Variants in NARF observed in about 807,000 individuals in gnomAD.
NARF encodes iron-only hydrogenase-like protein 2.
A neutral mutation model predicts 48.0 loss-of-function variants in NARF; 41 were observed. That is an observed-to-expected ratio of 0.85 (90% CI 0.66 to 1.11). NARF has a LOEUF of 1.11. Ranked by LOEUF, NARF falls within the 50% of genes least tolerant of loss-of-function variation. The probability of loss-of-function intolerance (pLI) is 0.00; values close to 1 mark genes in which losing one functional copy is unlikely to be tolerated. For missense variants in NARF, 613 were observed against 590.2 expected (o/e 1.04, Z -0.40); for synonymous variants, 215 against 225.5 (o/e 0.95, Z 0.42).
rs968874633 is a variant in NARF at position 82,490,452 on chromosome 17, G to A, written c.*2295G>A. 1 of 152,288 alleles carries A rather than the reference G, an allele frequency of 6.6e-6. No individual in the cohort carries two copies. The highest frequency in any genetic ancestry group is 1.5e-5 in the Non-Finnish European group (1 of 68,070). 9.4% of individuals were successfully genotyped at this position (152,288 alleles called of 1,614,324 possible). A position where few individuals can be genotyped will look rare whatever the true frequency, so the allele number is the denominator to read the frequency against. On this transcript the variant is annotated 3_prime_UTR_variant, in exon 11 of 11. Coordinates refer to ENST00000309794, the MANE Select transcript of NARF (RefSeq NM_012336.4). ...GTCTTGCTGGATAACTGCATATATTGTGTTCAGTTGTGTATTTGTTTTGCT... is the reference window on the plus strand; with the variant it reads ...GTCTTGCTGGATAACTGCATATATTATGTTCAGTTGTGTATTTGTTTTGCT...
intron 5 of NARF, among the ~76,000 whole-genome samples, chr17:82,476,361 C>CA (rs1433455231): frequency 6.6e-6 from 1 of 152,096 alleles, no homozygotes; most frequent in African/African-American, 2.4e-5. Context: ...AGGCCAGTCT[C>CA]AAACTCCTGA....
At chr17:82,480,930 CAA>C (rs35163925) in intron 6 of NARF, 150 bp from the exon 7 acceptor site, 23,532 of 609,920 alleles carry the variant, frequency 0.039, no homozygotes, top group Middle Eastern at 0.05. Flanking sequence ...GACTCCATTT[CAA>C]AAAAAAAAAA....
chr17:82,468,084 G>C (rs568608828), intron 3 of NARF, among the ~76,000 whole-genome samples: 2 of 152,226 alleles, frequency 1.3e-5, no homozygotes, highest in East Asian at 3.9e-4. Flanking sequence ...GGCCGAGGCA[G>C]GTGGATCACA....
In NARF at chr17:82,488,047, C is replaced by T. The variant is rs773072354; in HGVS notation, c.1261C>T (p.Leu421=). 1 of 1,614,164 alleles carries T rather than the reference C, an allele frequency of 6.2e-7. No individual in the cohort carries two copies. Among genetic ancestry groups the T allele is most frequent in the Admixed American group, 1.7e-5 (1 of 60,020 alleles). The change falls in exon 11 of 11, where the codon CTG becomes TTG. Residue 421 remains leucine (L), a synonymous_variant. Coordinates refer to ENST00000309794, the MANE Select transcript of NARF (RefSeq NM_012336.4). The part of the protein sequence containing the change: ...RPESSAHVQE[L]YQEWLEGINS... The stretch of plus-strand genomic sequence containing the variant: ...GGAGTCCAGTGCACACGTGCAGGAG[C>T]TGTACCAGGAGTGGCTGGAGGGGAT...
Position 82,488,522 on chromosome 17 carries a change from A to G in NARF, c.*365A>G. The stretch of plus-strand genomic sequence containing the variant: ...TCCCGAGTAGCTGGGACTAACGCGC[A>G]CACCACCATGCCCAGCTAATTTTTG... On this transcript the variant is annotated 3_prime_UTR_variant, in exon 11 of 11. Coordinates refer to ENST00000309794, the MANE Select transcript of NARF (RefSeq NM_012336.4). 4.8e-6 allele frequency: 1 copy of G among 209,462 alleles called. No individual in the cohort carries two copies. The highest frequency in any genetic ancestry group is 7.5e-5 in the South Asian group (1 of 13,330). 13.0% of individuals were successfully genotyped at this position (209,462 alleles called of 1,614,324 possible). A position where few individuals can be genotyped will look rare whatever the true frequency, so the allele number is the denominator to read the frequency against.
rs202013911 is a variant in NARF at position 82,480,940 on chromosome 17, AAAAAAAAAAG to A, written c.640-140_640-131del. The stretch of plus-strand genomic sequence containing the variant: ...AGCAAGACTCCATTTCAAAAAAAAA[AAAAAAAAAAG>A]AGTGCAGCATGCAGTGTCTGGAGGG... On this transcript the variant is annotated intron_variant, in intron 6 of 10. Transcript: ENST00000309794. 1,853 of 1,088,678 alleles carry A rather than the reference AAAAAAAAAAG, an allele frequency of 1.7e-3. 18 individuals are homozygous for A. In the African/African-American group the frequency reaches 0.026, roughly 15 times the overall value. The allele number at this position is 1,088,678 out of a possible 1,614,324, so 67.4% of individuals were successfully genotyped here. A position where few individuals can be genotyped will look rare whatever the true frequency, so the allele number is the denominator to read the frequency against.
intron 10 of NARF, among the ~76,000 whole-genome samples, chr17:82,486,348 GCAC>G (rs2044095600): frequency 6.6e-6 from 1 of 152,162 alleles, no homozygotes; most frequent in Admixed American, 6.5e-5. Flanking sequence ...GTCGGGGGGG[GCAC>G]CACGAGGGAC....
chr17:82,460,225 G>A, intron 2 of NARF, 153 bp downstream of exon 2: 1 of 603,662 alleles, frequency 1.7e-6, no homozygotes, highest in Non-Finnish European at 2.8e-6. Context: ...AGCACTTTGG[G>A]AGGCCGAGGT....
chr17:82,486,340 C>T (rs1266900997), intron 10 of NARF, among the ~76,000 whole-genome samples: 4 of 151,472 alleles, frequency 2.6e-5, no homozygotes, highest in Admixed American at 1.3e-4. Flanking sequence ...CATTGTGAGT[C>T]GGGGGGGGCA....
rs753064176 is a variant in NARF at position 82,460,129 on chromosome 17, C to T, written c.108+57C>T. The T allele has an allele frequency of 4.8e-6, 7 of 1,455,392 alleles. No individual in the cohort carries two copies. In the Admixed American group the frequency reaches 6.9e-5, roughly 14 times the overall value. 90.2% of individuals were successfully genotyped at this position (1,455,392 alleles called of 1,614,324 possible). A position where few individuals can be genotyped will look rare whatever the true frequency, so the allele number is the denominator to read the frequency against. On this transcript the variant is annotated intron_variant, in intron 2 of 10. Transcript: ENST00000309794. ...AGAGTAAACTACTGCTGCTGTTTTT[C>T]TCTTTGGGGGCTCACAGCACCGTGC...
chr17:82,460,230 C>G (rs754686337), intron 2 of NARF, 158 bp downstream of exon 2: 69 of 558,872 alleles, frequency 1.2e-4, no homozygotes, highest in Non-Finnish European at 1.0e-4. Flanking sequence ...TTTGGGAGGC[C>G]GAGGTGGACG....
At chr17:82,463,899 A>G in intron 2 of NARF, 1 of 178,004 alleles carries the variant, frequency 5.6e-6, no homozygotes, top group Non-Finnish European at 1.2e-5. Context: ...GGGGGCACAG[A>G]GCTAGAGGAG....
At chr17:82,459,331 A>G (rs373362952) in intron 1 of NARF, 81 of 303,704 alleles carry the variant, frequency 2.7e-4, no homozygotes, top group African/African-American at 1.8e-3. Context: ...TTATTGCCGG[A>G]ATGGGCTCCT....
intron 6 of NARF, chr17:82,480,306 C>CACAG: frequency 2.5e-6 from 1 of 400,534 alleles, no homozygotes; most frequent in Non-Finnish European, 4.4e-6. Flanking sequence ...CACACACACA[C>CACAG]ACACACTCAC....
At chr17:82,480,978 G>C in intron 6 of NARF, 104 bp from the exon 7 acceptor site, 1 of 1,355,662 alleles carries the variant, frequency 7.4e-7, no homozygotes, top group Admixed American at 1.8e-5. Context: ...CTGGAGGGCA[G>C]CAGCAGGGGG....
chr17:82,464,454 G>C, intron 3 of NARF, 24 bp downstream of exon 3: 8 of 1,595,744 alleles, frequency 5.0e-6, no homozygotes, highest in Non-Finnish European at 6.8e-6. Flanking sequence ...GGCATTTGCT[G>C]ATGCTGGGGA....
chr17:82,481,773 T>C (rs752785453), intron 7 of NARF: 21 of 432,816 alleles, frequency 4.9e-5, no homozygotes, highest in African/African-American at 2.9e-4. Context: ...GGAGAACCAC[T>C]TGGGCAGTGT....
At chr17:82,478,520 CT>C in intron 5 of NARF, 2 of 514,826 alleles carry the variant, frequency 3.9e-6, no homozygotes, top group Non-Finnish European at 7.5e-6. Context: ...TCCCCTTCAC[CT>C]TTTTGGGGGA....
At chr17:82,471,977 G>A (rs72859131) in intron 4 of NARF, among the ~76,000 whole-genome samples, 17,475 of 151,960 alleles carry the variant, frequency 0.11, 1,255 homozygotes, top group East Asian at 0.23. Context: ...TGTAGAGAGG[G>A]AAGAAGCATG....
Sources: gnomAD v4.1 joint callset for allele counts (sites outside exome capture counted in the v4.1 genomes callset) on GRCh38, gnomAD v4.1.1 for gene constraint, MANE v1.5 for transcripts, NCBI Gene and HGNC (gene_info 2026-07-23, HGNC 2026-07-21) for gene names.